The following SARDH variants were observed in gnomAD, a reference collection of about 807,000 sequenced individuals.
SARDH encodes sarcosine dehydrogenase, mitochondrial.
A neutral mutation model predicts 109.1 loss-of-function variants in SARDH; 95 were observed. That is an observed-to-expected ratio of 0.87 (90% CI 0.74 to 1.03). SARDH has a LOEUF of 1.03. Among genes scored for constraint, SARDH ranks in the 50% least tolerant of loss-of-function variants. The pLI is 0.00. For synonymous variants in SARDH, 572 were observed against 534.8 expected (o/e 1.07, Z -0.96); for missense variants, 1,267 against 1,287.8 (o/e 0.98, Z 0.25).
chr9:133,712,805 C>A lies in SARDH; in HGVS notation c.1238-96G>T, dbSNP rs1427537433. 1 of 1,205,814 alleles carries A rather than the reference C, an allele frequency of 8.3e-7. No homozygotes were observed. The highest frequency in any genetic ancestry group is 2.4e-5 in the East Asian group (1 of 41,524). 74.7% of individuals were successfully genotyped at this position (1,205,814 alleles called of 1,614,324 possible). A position where few individuals can be genotyped will look rare whatever the true frequency, so the allele number is the denominator to read the frequency against. ...CCCATCTCCACGGACAGCACAGACA[C>A]TCCAAGCTCTGCTCTCACACCTGGG... On this transcript the variant is annotated intron_variant, in intron 9 of 20. Coordinates refer to ENST00000439388, the MANE Select transcript of SARDH (RefSeq NM_001134707.2). The surrounding 1 kb of genome is among the most constrained non-coding windows in gnomAD (Gnocchi z 4.1).
rs961151848 is a variant in SARDH at position 133,718,360 on chromosome 9, C to T, written c.1020+578G>A. The stretch of plus-strand genomic sequence containing the variant: ...GTGCTGGGATTACAGGTGTGAGCCA[C>T]CGTGCCCAGCCATTTGTTTGTTTAT... On this transcript the variant is annotated intron_variant, in intron 7 of 20. Transcript: ENST00000439388. The surrounding 1 kb of genome is among the most constrained non-coding windows in gnomAD (Gnocchi z 4.2). 8 of 263,858 alleles carry T rather than the reference C, an allele frequency of 3.0e-5. No individual in the cohort carries two copies. Among genetic ancestry groups the T allele is most frequent in the African/African-American group, 1.8e-4 (8 of 45,220 alleles). The allele number at this position is 263,858 out of a possible 1,614,324, so 16.3% of individuals were successfully genotyped here.
At chr9:133,732,293 A>G in intron 3 of SARDH, 130 bp downstream of exon 3, 1 of 242,560 alleles carries the variant, frequency 4.1e-6, no homozygotes, top group Non-Finnish European at 6.9e-6. Context: ...ATGAACCCCC[A>G]GCGTACCTCC....
chr9:133,661,941 G>C (rs1287781490), downstream of SARDH, among the ~76,000 whole-genome samples: 2 of 152,204 alleles, frequency 1.3e-5, no homozygotes, highest in Non-Finnish European at 2.9e-5. Context: ...CGGGGTCTGG[G>C]AAGGTGGGTC....
At chr9:133,669,771 C>T (rs1015720117) in intron 19 of SARDH, among the ~76,000 whole-genome samples, 8 of 152,096 alleles carry the variant, frequency 5.3e-5, no homozygotes, top group African/African-American at 1.9e-4. Flanking sequence ...CGGCCCCAGC[C>T]GAGCCCCTCT....
intron 14 of SARDH, 98 bp downstream of exon 14, chr9:133,696,125 G>T: frequency 6.8e-7 from 1 of 1,466,008 alleles, no homozygotes; most frequent in Non-Finnish European, 9.3e-7. Context: ...TGTGCTCAGG[G>T]TGCCCGAGGG....
chr9:133,685,404 C>A, intron 16 of SARDH, 118 bp from the exon 17 acceptor site: 5 of 676,568 alleles, frequency 7.4e-6, no homozygotes, highest in Non-Finnish European at 1.2e-5. Context: ...AGACAGATGA[C>A]AATAAACATG....
At chr9:133,716,417 G>A (rs1832124221) in intron 8 of SARDH, among the ~76,000 whole-genome samples, 4 of 152,232 alleles carry the variant, frequency 2.6e-5, no homozygotes, top group Admixed American at 2.6e-4. Context: ...TCAAAGTCCC[G>A]TGGTTATAAA....
In SARDH at chr9:133,729,782, G is replaced by A. The variant is rs764894855; in HGVS notation, c.898C>T (p.Arg300Cys). Residue 300 changes from arginine (R) to cysteine (C), a missense_variant, in exon 6 of 21, where the codon CGC becomes TGC. Coordinates refer to ENST00000439388, the MANE Select transcript of SARDH (RefSeq NM_001134707.2). ...CCACCTACCTGAATCCCCTCGATGC[G>A]CTCGGTGACGACATAGGCATGGTGC... ...AMHHAYVVTE[R>C]IEGIQNMPNV... is the part of the protein sequence containing the mutation. 1.0e-4 allele frequency: 169 copies of A among 1,612,634 alleles called. No individual in the cohort carries two copies. Among genetic ancestry groups the A allele is most frequent in the Middle Eastern group, 1.6e-4 (1 of 6,078 alleles).
At position 133,732,510 on chromosome 9, in the gene SARDH, C is replaced by G. The variant is rs772086349; in HGVS notation, c.423G>C (p.Thr141=). ...RVVSRELEEE[T]GLHTGWIQNG... is the part of the protein sequence containing the mutation. Reference sequence around the variant, plus strand: ...TCTGGATCCAGCCCGTGTGTAGTCCCGTCTCCTCCTCCAGCTCCCGGCTCA... The same window carrying G: ...TCTGGATCCAGCCCGTGTGTAGTCCGGTCTCCTCCTCCAGCTCCCGGCTCA... The change falls in exon 3 of 21, where the codon ACG becomes ACC. Residue 141 remains threonine, a synonymous_variant. Transcript: ENST00000439388. The G allele has an allele frequency of 4.3e-6, 7 of 1,613,682 alleles. No individual in the cohort carries two copies. The highest frequency in any genetic ancestry group is 2.2e-5 in the East Asian group (1 of 44,850).
intron 13 of SARDH, among the ~76,000 whole-genome samples, chr9:133,702,417 C>T (rs925507756): frequency 6.6e-6 from 1 of 152,248 alleles, no homozygotes; most frequent in Non-Finnish European, 1.5e-5. Context: ...AAGCAGGCTC[C>T]AGGCCACGGC....
Position 133,727,100 on chromosome 9 carries a change from G to A in SARDH, c.915+2665C>T, listed in dbSNP as rs551278140. Among the ~76,000 whole-genome samples the A allele has an allele frequency of 1.1e-4, 17 of 152,262 alleles. No individual in the cohort carries two copies. In the South Asian group the frequency reaches 2.1e-3, roughly 19 times the overall value. On this transcript the variant is annotated intron_variant, in intron 6 of 20. Coordinates refer to ENST00000439388, the MANE Select transcript of SARDH (RefSeq NM_001134707.2). Reference sequence around the variant, plus strand: ...CCGCTCCTTGCCACTGCAAAAGTACGCCAGAGCACGACTGTGAAACCCCCT... The same window carrying A: ...CCGCTCCTTGCCACTGCAAAAGTACACCAGAGCACGACTGTGAAACCCCCT...
intron 6 of SARDH, among the ~76,000 whole-genome samples, chr9:133,727,617 C>T (rs1832536803): frequency 6.6e-6 from 1 of 152,190 alleles, no homozygotes; most frequent in African/African-American, 2.4e-5. Context: ...CTGCACATGG[C>T]CAGGTGTCAG....
chr9:133,726,003 C>T (rs1832477311), intron 6 of SARDH, among the ~76,000 whole-genome samples: 2 of 152,154 alleles, frequency 1.3e-5, no homozygotes, highest in South Asian at 4.1e-4. Flanking sequence ...GAGTCCTGTT[C>T]ATTGGAATGA....
At position 133,692,635 on chromosome 9, in the gene SARDH, C is replaced by T. The variant is rs1383104539; in HGVS notation, c.1921+1623G>A. 6.6e-6 allele frequency among the ~76,000 whole-genome samples: 1 copy of T among 152,142 alleles called. No homozygotes were observed. The highest frequency in any genetic ancestry group is 1.5e-5 in the Non-Finnish European group (1 of 68,012). The stretch of plus-strand genomic sequence containing the variant: ...CTTGCATGTCCCCCTCCAGGTGTTA[C>T]GGGGCCCTTCCTGCCCCCGTCTGGA... On this transcript the variant is annotated intron_variant, in intron 15 of 20. Coordinates refer to ENST00000439388, the MANE Select transcript of SARDH (RefSeq NM_001134707.2). This position sits in a 1 kb window ranked among gnomAD's most constrained non-coding sequence, Gnocchi z 5.0.
At chr9:133,660,032 G>A (rs1269095965), downstream of SARDH, among the ~76,000 whole-genome samples, 1 of 152,042 alleles carries the variant, frequency 6.6e-6, no homozygotes, top group Non-Finnish European at 1.5e-5. Flanking sequence ...AGCCAGCTCT[G>A]GAACCTGCCA....
At chr9:133,721,617 T>G (rs1429413027) in intron 6 of SARDH, among the ~76,000 whole-genome samples, 1 of 152,196 alleles carries the variant, frequency 6.6e-6, no homozygotes, top group African/African-American at 2.4e-5. Context: ...CAGGAAGTCC[T>G]CCAGGGGAGG....
In SARDH at chr9:133,718,735, G is replaced by T; in HGVS notation, c.1020+203C>A. ...TGTTTTGAGGCAAAGCCCTCCAGCT[G>T]CCCTGGGTCTGTATTTGACTGCCTG... is the stretch of plus-strand genomic sequence containing the variant. On this transcript the variant is annotated intron_variant, in intron 7 of 20. Coordinates refer to ENST00000439388, the MANE Select transcript of SARDH (RefSeq NM_001134707.2). The surrounding 1 kb of genome is among the most constrained non-coding windows in gnomAD (Gnocchi z 4.2). 1.3e-6 allele frequency: 1 copy of T among 780,052 alleles called. No homozygotes were observed. The highest frequency in any genetic ancestry group is 2.4e-6 in the Non-Finnish European group (1 of 418,338). The allele number at this position is 780,052 out of a possible 1,614,324, so 48.3% of individuals were successfully genotyped here. A position where few individuals can be genotyped will look rare whatever the true frequency, so the allele number is the denominator to read the frequency against.
intron 6 of SARDH, among the ~76,000 whole-genome samples, chr9:133,721,441 T>C (rs1832322283): frequency 1.3e-5 from 2 of 152,232 alleles, no homozygotes; most frequent in South Asian, 4.1e-4. Flanking sequence ...TCTCTCGTAC[T>C]CCTTTGCAGT....
At position 133,663,963 on chromosome 9, in the gene SARDH, C is replaced by A. The variant is rs749954005; in HGVS notation, c.2683G>T (p.Val895Leu). ...SGDYALERMG[V>L]TYGAQAHLKS... ...AGGTGAGCCTGGGCACCATAGGTCA[C>A]CCCCATTCTCTCCAGGGCATAGTCC... The change falls in exon 21 of 21, where the codon GTG becomes TTG. Residue 895 changes from valine (V) to leucine (L), a missense_variant. Physicochemically the swap from Val to Leu is conservative, Grantham distance 32. Transcript: ENST00000439388. 6 of 1,614,060 alleles carry A rather than the reference C, an allele frequency of 3.7e-6. No homozygotes were observed. The highest frequency in any genetic ancestry group is 1.7e-5 in the Admixed American group (1 of 60,008).
Sources: gnomAD v4.1 joint callset for allele counts (sites outside exome capture counted in the v4.1 genomes callset) on GRCh38, gnomAD v4.1.1 for gene constraint, Gnocchi (gnomAD v3.1) non-coding constraint, MANE v1.5 for transcripts, NCBI Gene and HGNC (gene_info 2026-07-23, HGNC 2026-07-21) for gene names.